The following RGS3 variants were observed in gnomAD, a reference collection of about 807,000 sequenced individuals.
RGS3 encodes regulator of G protein signaling 3.
RGS3 carries 80 observed loss-of-function variants against 132.6 expected under a neutral mutation model. The observed-to-expected ratio is 0.60, with a 90% CI of 0.50 to 0.73. The LOEUF is 0.73. Among genes scored for constraint, RGS3 ranks in the 30% least tolerant of loss-of-function variants. The pLI is 0.00. For missense variants in RGS3, 1,382 were observed against 1,530.8 expected (o/e 0.90, Z 1.62); for synonymous variants, 598 against 620.6 (o/e 0.96, Z 0.54).
At chr9:113,498,751 C>T (rs1326722748) in intron 10 of RGS3, among the ~76,000 whole-genome samples, 1 of 151,786 alleles carries the variant, frequency 6.6e-6, no homozygotes, top group African/African-American at 2.4e-5. Flanking sequence ...CTTGTCTCTA[C>T]TAAAAATACA....
Position 113,482,860 on chromosome 9 carries a change from G to C in RGS3, c.467-199G>C, listed in dbSNP as rs1830208008. The C allele has an allele frequency of 2.2e-6, 3 of 1,390,948 alleles. No individual in the cohort carries two copies. The African/African-American group carries it at 4.4e-5, about 20-fold the overall frequency. 86.2% of individuals were successfully genotyped at this position (1,390,948 alleles called of 1,614,324 possible). A position where few individuals can be genotyped will look rare whatever the true frequency, so the allele number is the denominator to read the frequency against. On this transcript the variant is annotated intron_variant, in intron 4 of 24. Transcript: ENST00000350696. Reference sequence around the variant, plus strand: ...AAGATGGTGGGAATGGCCTAGACCAGAGCAGGTTCATAGCCAATGGTGGTT... The same window carrying C: ...AAGATGGTGGGAATGGCCTAGACCACAGCAGGTTCATAGCCAATGGTGGTT...
At chr9:113,575,142 A>G (rs1485948546) in intron 19 of RGS3, among the ~76,000 whole-genome samples, 3 of 152,198 alleles carry the variant, frequency 2.0e-5, no homozygotes, top group African/African-American at 7.2e-5. Flanking sequence ...GAAGCTGGGC[A>G]TCCAGGCAGG....
At chr9:113,457,881 G>A (rs1453158425), upstream of RGS3, among the ~76,000 whole-genome samples, 1 of 152,060 alleles carries the variant, frequency 6.6e-6, no homozygotes, top group Non-Finnish European at 1.5e-5. Flanking sequence ...TGCAATTTTG[G>A]CTATTTCAGA....
intron 6 of RGS3, 87 bp downstream of exon 4, chr9:113,484,319 G>C: frequency 1.1e-5 from 2 of 184,164 alleles, no homozygotes; most frequent in Non-Finnish European, 9.2e-6. Flanking sequence ...TCTAGAACTA[G>C]ATCTATGCAA....
At chr9:113,510,641 C>G (rs1370016463) in intron 14 of RGS3, among the ~76,000 whole-genome samples, 1 of 152,100 alleles carries the variant, frequency 6.6e-6, no homozygotes, top group Non-Finnish European at 1.5e-5. Flanking sequence ...CTTCTGTGCT[C>G]CCAGCCTGTA....
intron 17 of RGS3, among the ~76,000 whole-genome samples, chr9:113,526,729 G>A (rs1430979437): frequency 3.9e-5 from 6 of 152,196 alleles, no homozygotes; most frequent in Non-Finnish European, 7.3e-5. Flanking sequence ...CACCCAGCCC[G>A]TGATTGGGGA....
At position 113,462,150 on chromosome 9, in the gene RGS3, CAA is replaced by C; in HGVS notation, c.366_367del (p.Gln122HisfsTer24). ...TCTGCCCAGAAGAGATGAGTGGACT[CAA>C]ACTTCTCCAGCCAGGAAGAGGATCA... On this transcript the variant is annotated frameshift_variant, in exon 3 of 25. Transcript: ENST00000350696. LOFTEE classifies it high-confidence loss of function. 1 of 1,614,128 alleles carries C rather than the reference CAA, an allele frequency of 6.2e-7. No individual in the cohort carries two copies. Among genetic ancestry groups the C allele is most frequent in the Non-Finnish European group, 8.5e-7 (1 of 1,180,034 alleles).
intron 19 of RGS3, among the ~76,000 whole-genome samples, chr9:113,546,652 C>T (rs1284040574): frequency 6.6e-6 from 1 of 152,174 alleles, no homozygotes; most frequent in Non-Finnish European, 1.5e-5. Flanking sequence ...TTCTGTTGCA[C>T]CTCAGCTTTG....
Position 113,508,533 on chromosome 9 carries a change from C to T in RGS3, c.1438-8C>T. 1 of 1,612,714 alleles carries T rather than the reference C, an allele frequency of 6.2e-7. No individual in the cohort carries two copies. Among genetic ancestry groups the T allele is most frequent in the African/African-American group, 1.3e-5 (1 of 75,022 alleles). On this transcript the variant is annotated splice_polypyrimidine_tract_variant and splice_region_variant and intron_variant, in intron 13 of 24. Transcript: ENST00000350696. ...GGCTGAGGTGGTTTTCCTGTCTTTC[C>T]CTTGCAGCTGCTCCGGCCTGTGTAC...
chr9:113,574,567 A>T (rs543359716), intron 19 of RGS3, among the ~76,000 whole-genome samples: 1 of 152,222 alleles, frequency 6.6e-6, no homozygotes, highest in African/African-American at 2.4e-5. Flanking sequence ...AATAAGCCAG[A>T]CATGATCCTG....
intron 17 of RGS3, among the ~76,000 whole-genome samples, chr9:113,525,307 C>G (rs1030801596): frequency 1.3e-5 from 2 of 152,140 alleles, no homozygotes; most frequent in Non-Finnish European, 2.9e-5. Flanking sequence ...CTTGCCTTCC[C>G]CCAGCTGCCC....
At chr9:113,497,190 G>T (rs750587111) in intron 8 of RGS3, 124 bp from the exon 7 acceptor site, 3 of 707,670 alleles carry the variant, frequency 4.2e-6, no homozygotes, top group South Asian at 1.8e-5. Flanking sequence ...GGCCAGGAAG[G>T]CTGGAGAGTC....
intron 10 of RGS3, among the ~76,000 whole-genome samples, chr9:113,498,405 G>T (rs1028499561): frequency 8.5e-5 from 13 of 152,206 alleles, no homozygotes; most frequent in African/African-American, 3.1e-4. Flanking sequence ...GCTTCCCCTG[G>T]GACTGAGGCC....
At chr9:113,475,093 A>G (rs1449615579) in intron 3 of RGS3, among the ~76,000 whole-genome samples, 1 of 152,210 alleles carries the variant, frequency 6.6e-6, no homozygotes, top group Non-Finnish European at 1.5e-5. Context: ...TGCCTTTTCC[A>G]GGCTTTCTGA....
At chr9:113,530,314 G>A (rs1717431441) in intron 18 of RGS3, among the ~76,000 whole-genome samples, 1 of 152,222 alleles carries the variant, frequency 6.6e-6, no homozygotes, top group Non-Finnish European at 1.5e-5. Flanking sequence ...TTTAGCGGAG[G>A]GCAGAGAGTT....
chr9:113,474,715 T>A (rs1311090083), intron 3 of RGS3, among the ~76,000 whole-genome samples: 2 of 152,198 alleles, frequency 1.3e-5, no homozygotes, highest in African/African-American at 4.8e-5. Context: ...GCTTTTAACA[T>A]GTGACAGTTC....
At chr9:113,524,523 A>C (rs1346424673) in intron 17 of RGS3, among the ~76,000 whole-genome samples, 1 of 152,186 alleles carries the variant, frequency 6.6e-6, no homozygotes, top group Non-Finnish European at 1.5e-5. Context: ...AAGAGAAGCA[A>C]GGCTCACACT....
In RGS3 at chr9:113,596,805, A is replaced by G. The variant is rs201840270; in HGVS notation, c.3449A>G (p.Asp1150Gly). 3.3e-5 allele frequency: 53 copies of G among 1,613,140 alleles called. No homozygotes were observed. Among genetic ancestry groups the G allele is most frequent in the Non-Finnish European group, 4.3e-5 (51 of 1,179,808 alleles). ...TCCTACACGCGGGAGCACACCAAGG[A>G]CAACCTGCAGAGCGTCACGCGGGGC... is the stretch of plus-strand genomic sequence containing the variant. The change falls in exon 25 of 25, where the codon GAC becomes GGC. Residue 1150 changes from aspartate (D) to glycine (G), a missense_variant. By Grantham distance (94) the Asp-to-Gly change is moderately conservative. Coordinates refer to ENST00000350696, the Ensembl canonical transcript of RGS3.
intron 19 of RGS3, among the ~76,000 whole-genome samples, chr9:113,559,799 G>T (rs1041423366): frequency 6.6e-6 from 1 of 152,094 alleles, no homozygotes; most frequent in African/African-American, 2.4e-5. Flanking sequence ...ATTAGTACAC[G>T]CCAGGCCCTC....
Sources: allele counts gnomAD v4.1 joint callset (sites outside exome capture counted in the v4.1 genomes callset), GRCh38; gene constraint gnomAD v4.1.1; transcripts MANE v1.5; gene names NCBI Gene and HGNC (gene_info 2026-07-23, HGNC 2026-07-21).